CFDP1: variants seen among roughly 807,000 people sequenced by gnomAD.
The protein encoded by CFDP1 is heterochromatin-stabilizing protein CFDP1.
A neutral mutation model predicts 40.1 loss-of-function variants in CFDP1; 31 were observed. The observed-to-expected ratio is 0.77, with a 90% CI of 0.58 to 1.04. The LOEUF is 1.04. Among genes scored for constraint, CFDP1 ranks in the 50% least tolerant of loss-of-function variants. The pLI is 0.00. For missense variants in CFDP1, 423 were observed against 343.4 expected, an observed-to-expected ratio of 1.23 and a Z score of -1.83; for synonymous variants, 167 against 120.0, an observed-to-expected ratio of 1.39 and a Z score of -2.56.
chr16:75,390,364 T>C (rs953935845), intron 5 of CFDP1, among the ~76,000 whole-genome samples: 4 of 152,244 alleles, frequency 2.6e-5, no homozygotes, highest in African/African-American at 9.6e-5. Flanking sequence ...CAGCGCAGTT[T>C]TGGAAAGAAT....
chr16:75,302,323 C>G (rs749130633), intron 6 of CFDP1, among the ~76,000 whole-genome samples: 3 of 152,124 alleles, frequency 2.0e-5, no homozygotes, highest in Non-Finnish European at 2.9e-5. Context: ...TGCACTGGTG[C>G]GATCAGAGCT....
rs576406459 is a variant in CFDP1, at chr16:75,356,911, C to CTT, written c.650+38177_650+38178dup. ...TGTTATGGAAACAGCTGCTTTCTTT[C>CTT]TTTTTTTTTTTTTTTTTTTTGAGAC... On this transcript the variant is annotated intron_variant, in intron 5 of 6. Transcript: ENST00000283882. Among the ~76,000 whole-genome samples, 631 of 80,584 alleles carry CTT rather than the reference C, an allele frequency of 7.8e-3. 5 individuals carry two copies. Among genetic ancestry groups the CTT allele is most frequent in the Admixed American group, 9.0e-3 (58 of 6,422 alleles). The allele number at this position is 80,584 out of a possible 152,430, so 52.9% of individuals were successfully genotyped here.
intron 5 of CFDP1, among the ~76,000 whole-genome samples, chr16:75,318,833 A>G (rs772186442): frequency 1.3e-5 from 2 of 152,170 alleles, no homozygotes; most frequent in Non-Finnish European, 2.9e-5. Context: ...ATTCTTGGGC[A>G]CCTCTCAGGT....
intron 6 of CFDP1, among the ~76,000 whole-genome samples, chr16:75,303,519 CCT>C (rs1289654266): frequency 8.3e-6 from 1 of 120,008 alleles, no homozygotes; most frequent in Non-Finnish European, 1.7e-5. Context: ...CCCAATAAAT[CCT>C]TTGTCTATCA....
At chr16:75,431,474 A>AAAAG in intron 1 of CFDP1, among the ~76,000 whole-genome samples, 3 of 145,558 alleles carry the variant, frequency 2.1e-5, no homozygotes, top group Non-Finnish European at 3.0e-5. Flanking sequence ...AAAAAAAAAA[A>AAAAG]AAAGAAAAGA....
At chr16:75,320,102 G>A (rs2078351568) in intron 5 of CFDP1, among the ~76,000 whole-genome samples, 1 of 152,206 alleles carries the variant, frequency 6.6e-6, no homozygotes, top group Non-Finnish European at 1.5e-5. Flanking sequence ...AGAGAAAACG[G>A]TAAGTAGAGT....
intron 4 of CFDP1, among the ~76,000 whole-genome samples, chr16:75,401,588 C>A (rs2079054939): frequency 1.3e-5 from 2 of 151,894 alleles, no homozygotes; most frequent in East Asian, 3.9e-4. Context: ...CGACAAGGTG[C>A]GACTCCGTCT....
At chr16:75,324,031 C>G (rs893188303) in intron 5 of CFDP1, among the ~76,000 whole-genome samples, 1 of 152,208 alleles carries the variant, frequency 6.6e-6, no homozygotes, top group Admixed American at 6.5e-5. Context: ...TATTCATCAA[C>G]TCAGCCCTTA....
rs77863204 is a variant in CFDP1 at position 75,348,562 on chromosome 16, A to G, written c.651-43380T>C. 1.4e-3 allele frequency among the ~76,000 whole-genome samples: 214 copies of G among 152,296 alleles called. 1 individual carries two copies. The highest frequency in any genetic ancestry group is 5.1e-3 in the African/African-American group (210 of 41,568). ...TAATATTAAAAACCTGCAGTAGACCATAAGTTGTTTTTTTCTTTTTTGGCT... is the reference window on the plus strand; with the variant it reads ...TAATATTAAAAACCTGCAGTAGACCGTAAGTTGTTTTTTTCTTTTTTGGCT... On this transcript the variant is annotated intron_variant, in intron 5 of 6. Transcript: ENST00000283882.
chr16:75,378,930 AACAACAGAAAG>A (rs1466185184), intron 5 of CFDP1, among the ~76,000 whole-genome samples: 1 of 152,148 alleles, frequency 6.6e-6, no homozygotes, highest in African/African-American at 2.4e-5. Flanking sequence ...ACTAGAAAGC[AACAACAGAAAG>A]ACAACAGAAA....
At chr16:75,377,262 A>G (rs568393443) in intron 5 of CFDP1, among the ~76,000 whole-genome samples, 1 of 152,378 alleles carries the variant, frequency 6.6e-6, no homozygotes, top group Non-Finnish European at 1.5e-5. Context: ...ACCAAAAAGC[A>G]GTACTTAATG....
chr16:75,384,851 A>AATAT (rs1567665351), intron 5 of CFDP1, among the ~76,000 whole-genome samples: 1 of 68,060 alleles, frequency 1.5e-5, no homozygotes, highest in African/African-American at 6.9e-5. Context: ...AGAAACTAAA[A>AATAT]CTATATATAT....
At chr16:75,354,600 G>T (rs1463398155) in intron 5 of CFDP1, among the ~76,000 whole-genome samples, 1 of 152,216 alleles carries the variant, frequency 6.6e-6, no homozygotes, top group Non-Finnish European at 1.5e-5. Context: ...TATGCAAGAT[G>T]TTGGGTAAAA....
intron 5 of CFDP1, among the ~76,000 whole-genome samples, chr16:75,363,678 G>A (rs557792966): frequency 1.3e-5 from 2 of 152,236 alleles, no homozygotes; most frequent in East Asian, 1.9e-4. Context: ...TTACAGGTGT[G>A]AGCCACCATG....
At chr16:75,414,543 C>T (rs1360613596) in intron 2 of CFDP1, 35 bp downstream of exon 2, 2 of 1,246,766 alleles carry the variant, frequency 1.6e-6, no homozygotes, top group East Asian at 2.3e-5. Flanking sequence ...GTGACAATAG[C>T]CCCTAACTTC....
At chr16:75,316,534 C>CACT (rs2078323947) in intron 5 of CFDP1, among the ~76,000 whole-genome samples, 1 of 137,692 alleles carries the variant, frequency 7.3e-6, no homozygotes, top group African/African-American at 2.8e-5. Flanking sequence ...CGTGCCACTG[C>CACT]ACTCCAGCCT....
chr16:75,420,097 T>C (rs1263623592), intron 1 of CFDP1, among the ~76,000 whole-genome samples: 11 of 114,314 alleles, frequency 9.6e-5, no homozygotes, highest in African/African-American at 4.0e-4. Context: ...AACAACACAG[T>C]GAGACCTTCA....
intron 5 of CFDP1, among the ~76,000 whole-genome samples, chr16:75,392,497 ATTTATTC>A (rs2078960611): frequency 6.6e-6 from 1 of 152,070 alleles, no homozygotes; most frequent in Non-Finnish European, 1.5e-5. Context: ...ATAAAACATT[ATTTATTC>A]TTTATTCTTT....
chr16:75,413,472 G>A (rs1474481160), intron 2 of CFDP1, among the ~76,000 whole-genome samples: 1 of 147,966 alleles, frequency 6.8e-6, no homozygotes, highest in African/African-American at 2.5e-5. Flanking sequence ...GCAGGGAACT[G>A]AACCCAGGAG....
Sources: gnomAD v4.1 joint callset for allele counts (sites outside exome capture counted in the v4.1 genomes callset) on GRCh38, gnomAD v4.1.1 for gene constraint, MANE v1.5 for transcripts, NCBI Gene and HGNC (gene_info 2026-07-23, HGNC 2026-07-21) for gene names.